The following GSE1 variants were observed in gnomAD, a reference collection of about 807,000 sequenced individuals.
GSE1 encodes Gse1 coiled-coil protein.
A neutral mutation model predicts 112.6 loss-of-function variants in GSE1; 32 were observed. The observed-to-expected ratio is 0.28, with a 90% CI of 0.21 to 0.38. The LOEUF is 0.38. GSE1 is among the 10% of genes least tolerant of loss of function. The pLI is 1.00. For synonymous variants in GSE1, 1,115 were observed against 735.6 expected, an observed-to-expected ratio of 1.52 and a Z score of -8.35; for missense variants, 2,348 against 1,699.2, an observed-to-expected ratio of 1.38 and a Z score of -6.71.
chr16:85,569,555 G>A (rs1438766770), intron 1 of GSE1, among the ~76,000 whole-genome samples: 1 of 152,228 alleles, frequency 6.6e-6, no homozygotes, highest in Non-Finnish European at 1.5e-5. Context: ...TGTCTAGGCT[G>A]TCAGGAAGGG....
intron 2 of GSE1, among the ~76,000 whole-genome samples, chr16:85,521,296 T>A (rs2052177481): frequency 6.6e-6 from 1 of 152,184 alleles, no homozygotes; most frequent in African/African-American, 2.4e-5. Flanking sequence ...GTGCCTGTAC[T>A]TAAACCTCAC....
intron 1 of GSE1, among the ~76,000 whole-genome samples, chr16:85,598,167 G>GTTTTTTTT (rs973836177): frequency 7.4e-4 from 53 of 71,522 alleles, no homozygotes; most frequent in Admixed American, 1.3e-3. Flanking sequence ...AGGTTTGGTT[G>GTTTTTTTT]TTTTTTTTTT....
At chr16:85,535,143 G>A (rs1247575378) in intron 2 of GSE1, among the ~76,000 whole-genome samples, 1 of 152,214 alleles carries the variant, frequency 6.6e-6, no homozygotes, top group Non-Finnish European at 1.5e-5. Flanking sequence ...TCCAGGCTCA[G>A]TGAGGTGGGG....
intron 11 of GSE1, among the ~76,000 whole-genome samples, chr16:85,663,986 G>A (rs773915690): frequency 6.6e-6 from 1 of 152,260 alleles, no homozygotes; most frequent in African/African-American, 2.4e-5. Context: ...GGACCGCTTA[G>A]GTGGTCTGCT....
chr16:85,310,951 G>T (rs115526708), intron 1 of GSE1, among the ~76,000 whole-genome samples: 5,131 of 152,082 alleles, frequency 0.034, 267 homozygotes, highest in African/African-American at 0.12. Context: ...GGACAGCAGG[G>T]CCCCCCGCCG....
intron 2 of GSE1, chr16:85,463,009 C>A (rs1391787695): frequency 1.4e-5 from 10 of 705,620 alleles, no homozygotes; most frequent in South Asian, 6.3e-5. Flanking sequence ...CCCTACTGCT[C>A]GCCTCCGCCG....
At chr16:85,614,228 C>T (rs947040747) in intron 1 of GSE1, among the ~76,000 whole-genome samples, 1 of 152,180 alleles carries the variant, frequency 6.6e-6, no homozygotes, top group Non-Finnish European at 1.5e-5. Flanking sequence ...GCCCCCAGCC[C>T]TCCCGGGCCC....
intron 2 of GSE1, among the ~76,000 whole-genome samples, chr16:85,494,064 ACT>A (rs2051094769): frequency 1.3e-5 from 2 of 152,344 alleles, no homozygotes; most frequent in East Asian, 1.9e-4. Context: ...ATAAAGTAAG[ACT>A]CTGTCTCAAA....
chr16:85,307,683 G>T (rs942549061), intron 1 of GSE1, among the ~76,000 whole-genome samples: 1 of 152,270 alleles, frequency 6.6e-6, no homozygotes, highest in Admixed American at 6.5e-5. Flanking sequence ...GGTCACGTGG[G>T]CACGGCTGAC....
chr16:85,335,249 G>A (rs2046458370), intron 1 of GSE1, among the ~76,000 whole-genome samples: 1 of 152,368 alleles, frequency 6.6e-6, no homozygotes, highest in African/African-American at 2.4e-5. Flanking sequence ...GGGGGTGAGC[G>A]GCCCTGAGTA....
intron 1 of GSE1, among the ~76,000 whole-genome samples, chr16:85,619,254 G>T (rs1418961848): frequency 6.6e-6 from 1 of 152,220 alleles, no homozygotes; most frequent in Non-Finnish European, 1.5e-5. Context: ...CCCTCCCCCA[G>T]CCCTGCCCTT....
intron 1 of GSE1, among the ~76,000 whole-genome samples, chr16:85,284,407 G>A (rs928997856): frequency 6.6e-6 from 1 of 152,184 alleles, no homozygotes; most frequent in African/African-American, 2.4e-5. Context: ...GAGGACTCTG[G>A]GAGGTGCCAG....
chr16:85,430,939 C>T (rs773624888), intron 2 of GSE1, among the ~76,000 whole-genome samples: 42 of 152,334 alleles, frequency 2.8e-4, no homozygotes, highest in Non-Finnish European at 4.3e-4. Flanking sequence ...GAGAGGCTGC[C>T]GCTGCTTAAG....
chr16:85,172,995 T>C (rs917702473), intron 1 of GSE1, among the ~76,000 whole-genome samples: 41 of 152,248 alleles, frequency 2.7e-4, no homozygotes, highest in African/African-American at 9.6e-4. Context: ...ACTTTCAAGC[T>C]GTCTTTGTGG....
chr16:85,625,589 C>T (rs544797082), intron 1 of GSE1, among the ~76,000 whole-genome samples: 14 of 152,292 alleles, frequency 9.2e-5, no homozygotes, highest in African/African-American at 2.6e-4. Flanking sequence ...CTCTGCACCC[C>T]GTGTTCTTCT....
intron 2 of GSE1, among the ~76,000 whole-genome samples, chr16:85,476,524 C>G (rs2050460595): frequency 6.6e-6 from 1 of 152,200 alleles, no homozygotes; most frequent in Non-Finnish European, 1.5e-5. Flanking sequence ...CCCTGGGTCA[C>G]CAGCCGTTTT....
Position 85,674,142 on chromosome 16 carries a change from GGCCTGAGCTGAGGGCAGGGT to G in GSE1, c.*1610_*1629del, listed in dbSNP as rs1470695491. The G allele has an allele frequency of 2.4e-4, 37 of 152,510 alleles. No individual in the cohort carries two copies. The highest frequency in any genetic ancestry group is 8.7e-4 in the African/African-American group (36 of 41,578). 9.4% of individuals were successfully genotyped at this position (152,510 alleles called of 1,614,324 possible). ...GCCAGTCACTGGTCTGGGGGGTGGA[GGCCTGAGCTGAGGGCAGGGT>G]GCCTGACCTGTGTGCCGGCTGCTCA... On this transcript the variant is annotated 3_prime_UTR_variant, in exon 16 of 16. Transcript: ENST00000253458.
At chr16:85,532,291 T>C (rs2044163227) in intron 2 of GSE1, among the ~76,000 whole-genome samples, 1 of 152,132 alleles carries the variant, frequency 6.6e-6, no homozygotes. Context: ...GACAGAGTCT[T>C]GCTCTGTTGC....
intron 2 of GSE1, among the ~76,000 whole-genome samples, chr16:85,458,668 T>C (rs988906148): frequency 1.3e-5 from 2 of 152,184 alleles, no homozygotes; most frequent in Non-Finnish European, 1.5e-5. Flanking sequence ...TCCTGGGAAC[T>C]CATTAGGAAT....
Sources: gnomAD v4.1 joint callset for allele counts (sites outside exome capture counted in the v4.1 genomes callset) on GRCh38, gnomAD v4.1.1 for gene constraint, MANE v1.5 for transcripts, NCBI Gene and HGNC (gene_info 2026-07-23, HGNC 2026-07-21) for gene names.